The following SULT1A1 variants were observed in gnomAD, a reference collection of about 807,000 sequenced individuals.
SULT1A1 encodes the protein sulfotransferase 1A1.
In SULT1A1, 35 loss-of-function variants were observed where a neutral mutation model predicts 36.8. That is an observed-to-expected ratio of 0.95 (90% CI 0.73 to 1.26). The LOEUF is 1.26. Ranked by LOEUF, SULT1A1 falls within the 50% of genes most tolerant of loss-of-function variation. The pLI is 0.00. For synonymous variants in SULT1A1, 119 were observed against 146.0 expected (o/e 0.82, Z 1.33); for missense variants, 309 against 383.0 (o/e 0.81, Z 1.61).
At position 28,607,070 on chromosome 16, in the gene SULT1A1, T is replaced by C. The variant is rs1318882961; in HGVS notation, c.380A>G (p.Tyr127Cys). The C allele has an allele frequency of 2.5e-6, 4 of 1,612,272 alleles. No homozygotes were observed. The highest frequency in any genetic ancestry group is 1.3e-5 in the African/African-American group (1 of 74,868). ...TLLDQKVKVVYVARNAKDVAV... is the reference protein window; with the variant it reads ...TLLDQKVKVVCVARNAKDVAV... Reference sequence around the variant, plus strand: ...CACATCCTTTGCGTTGCGGGCAACATAGACCACCTGCAGGGGCAGAAGACT... The same window carrying C: ...CACATCCTTTGCGTTGCGGGCAACACAGACCACCTGCAGGGGCAGAAGACT... The change falls in exon 5 of 8, where the codon TAT (tyrosine) becomes TGT (cysteine). Residue 127 changes from tyrosine to cysteine, a missense_variant. Tyr to Cys is a radical substitution (Grantham distance 194). Coordinates refer to ENST00000314752, the MANE Select transcript of SULT1A1 (RefSeq NM_001055.4).
chr16:28,622,944 A>G (rs969321005), intron 1 of SULT1A1, among the ~76,000 whole-genome samples: 4 of 150,994 alleles, frequency 2.6e-5, no homozygotes, highest in East Asian at 4.0e-4. Flanking sequence ...GCAATCAAAC[A>G]CCCCAGCCTC....
In SULT1A1 at chr16:28,623,021, G is replaced by A. The variant is rs1040182610; in HGVS notation, c.67+110C>T. The stretch of plus-strand genomic sequence containing the variant: ...GTCTCAGAGCCCCGGCTCCTGCCCG[G>A]GTCCCCAGGCTCCTGCAGCGCCCTC... On this transcript the variant is annotated intron_variant, in intron 1 of 5. Coordinates refer to the SULT1A1 transcript ENST00000350842. The A allele has an allele frequency of 1.5e-4, 208 of 1,405,672 alleles. 1 individual carries two copies. The highest frequency in any genetic ancestry group is 3.7e-5 in the Non-Finnish European group (39 of 1,043,212). The allele number at this position is 1,405,672 out of a possible 1,614,324, so 87.1% of individuals were successfully genotyped here. A position where few individuals can be genotyped will look rare whatever the true frequency, so the allele number is the denominator to read the frequency against.
chr16:28,622,995 G>C (rs913700539), intron 1 of SULT1A1: 8 of 1,197,556 alleles, frequency 6.7e-6, no homozygotes, highest in African/African-American at 1.5e-5. Flanking sequence ...AAGCAGCTCC[G>C]GTCTCAGAGC....
chr16:28,614,541 C>G (rs2047493126), upstream of SULT1A1, among the ~76,000 whole-genome samples: 1 of 128,290 alleles, frequency 7.8e-6, no homozygotes, highest in South Asian at 2.4e-4. Context: ...CCGCCTCAGC[C>G]TTTTGAGTAG....
At position 28,605,273 on chromosome 16, in the gene SULT1A1, T is replaced by C. The variant is rs575077529; in HGVS notation, c.*548A>G. The C allele has an allele frequency of 1.2e-5, 2 of 167,756 alleles. No homozygotes were observed. The highest frequency in any genetic ancestry group is 4.8e-5 in the African/African-American group (2 of 41,480). 10.4% of individuals were successfully genotyped at this position (167,756 alleles called of 1,614,324 possible). On this transcript the variant is annotated 3_prime_UTR_variant, in exon 8 of 8. Transcript: ENST00000314752. ...TGAATCATAATTTATGTTAAGTAAA[T>C]TGTATTTTATTTATTTCTCAAGCAA...
Position 28,608,868 on chromosome 16 carries a change from G to C in SULT1A1, c.-4-9C>G. The C allele has an allele frequency of 6.2e-7, 1 of 1,611,508 alleles. No homozygotes were observed. ...GGATCAGCTCCATGTTCCTGCGTCA[G>C]GGGCCAGAGCCAGGCCCGTTCCCTT... On this transcript the variant is annotated splice_polypyrimidine_tract_variant and intron_variant, in intron 1 of 7. Coordinates refer to ENST00000314752, the MANE Select transcript of SULT1A1 (RefSeq NM_001055.4).
At chr16:28,617,041 G>C (rs1319164085) in intron 2 of SULT1A1, among the ~76,000 whole-genome samples, 1 of 151,556 alleles carries the variant, frequency 6.6e-6, no homozygotes, top group Non-Finnish European at 1.5e-5. Context: ...TTTGAGACAG[G>C]GTCTCGCTGT....
chr16:28,621,834 G>C (rs956235234), intron 1 of SULT1A1, among the ~76,000 whole-genome samples: 4 of 152,114 alleles, frequency 2.6e-5, no homozygotes, highest in Admixed American at 2.6e-4. Flanking sequence ...AGAGGCCACA[G>C]GGACCCTCCT....
intron 2 of SULT1A1, among the ~76,000 whole-genome samples, chr16:28,619,769 C>G (rs1448127577): frequency 4.8e-5 from 4 of 82,526 alleles, no homozygotes; most frequent in East Asian, 3.4e-4. Context: ...TATATAGACA[C>G]ACACACACAC....
At chr16:28,621,645 C>G (rs1332030182) in intron 1 of SULT1A1, among the ~76,000 whole-genome samples, 2 of 152,058 alleles carry the variant, frequency 1.3e-5, no homozygotes, top group Admixed American at 6.6e-5. Context: ...GTTTGCAAAT[C>G]TAGTCTGCAA....
chr16:28,607,612 T>G, intron 4 of SULT1A1: 1 of 130,086 alleles, frequency 7.7e-6, no homozygotes, highest in South Asian at 3.2e-4. Flanking sequence ...ATTTATTTTA[T>G]TTTATTTTAT....
At position 28,605,704 on chromosome 16, in the gene SULT1A1, T is replaced by C. The variant is rs1031065041; in HGVS notation, c.*117A>G. 61 of 1,530,628 alleles carry C rather than the reference T, an allele frequency of 4.0e-5. 2 individuals are homozygous for C. In the Admixed American group the frequency reaches 9.1e-4, roughly 23 times the overall value. 94.8% of individuals were successfully genotyped at this position (1,530,628 alleles called of 1,614,324 possible). ...TGATCCTCCCACCTCAGCCTCCAAA[T>C]TGCTGGGATTACAGACATGACCTAC... On this transcript the variant is annotated 3_prime_UTR_variant, in exon 8 of 8. Transcript: ENST00000314752.
chr16:28,608,990 C>G (rs1690405), intron 1 of SULT1A1, 131 bp from the exon 2 acceptor site: 478,565 of 1,531,056 alleles, frequency 0.31, 87,289 homozygotes, highest in Admixed American at 0.35. Context: ...CACAAAGCCA[C>G]TCAGTGGCGG....
In SULT1A1 at chr16:28,623,012, T is replaced by C. The variant is rs910224527; in HGVS notation, c.67+119A>G. On this transcript the variant is annotated intron_variant, in intron 1 of 5. Transcript: ENST00000350842. ...GCAGCTCCGGTCTCAGAGCCCCGGCTCCTGCCCGGGTCCCCAGGCTCCTGC... is the reference window on the plus strand; with the variant it reads ...GCAGCTCCGGTCTCAGAGCCCCGGCCCCTGCCCGGGTCCCCAGGCTCCTGC... The C allele has an allele frequency of 4.4e-6, 6 of 1,351,050 alleles. No individual in the cohort carries two copies. In the African/African-American group the frequency reaches 8.8e-5, roughly 20 times the overall value. The allele number at this position is 1,351,050 out of a possible 1,614,324, so 83.7% of individuals were successfully genotyped here.
exon 1 of SULT1A1, chr16:28,623,243 C>A (rs1186689827): frequency 1.1e-5 from 17 of 1,545,108 alleles, no homozygotes; most frequent in Non-Finnish European, 1.5e-5. Context: ...GCAGGCCCAG[C>A]CACACGTAGT....
chr16:28,617,549 T>C (rs1282120528), intron 2 of SULT1A1, among the ~76,000 whole-genome samples: 4 of 151,982 alleles, frequency 2.6e-5, no homozygotes, highest in African/African-American at 7.3e-5. Context: ...TTTTCTTTTT[T>C]TTTTTCTTTT....
At chr16:28,621,213 G>T (rs1481325532) in intron 1 of SULT1A1, among the ~76,000 whole-genome samples, 2 of 151,648 alleles carry the variant, frequency 1.3e-5, no homozygotes, top group African/African-American at 4.8e-5. Flanking sequence ...CAGGTGCGAG[G>T]GCTCACGTCT....
At chr16:28,610,266 T>TG (rs1596641425), upstream of SULT1A1, 8 of 771,352 alleles carry the variant, frequency 1.0e-5, no homozygotes, top group East Asian at 8.0e-4. Flanking sequence ...TTTTTTCTGT[T>TG]TTTTTTTTTT....
At position 28,608,538 on chromosome 16, in the gene SULT1A1, G is replaced by A. The variant is rs141343888; in HGVS notation, c.214C>T (p.Arg72Ter). The change falls in exon 3 of 8, where the codon CGA (arginine) becomes TGA (stop). Residue 72 changes from arginine to a stop codon, truncating the protein, a stop_gained. Transcript: ENST00000314752. LOFTEE classifies it high-confidence loss of function. ...YQGGDLEKCH[R>*]APIFMRVPFL... ...GGCACCCGCATGAAGATGGGAGCTC[G>A]GTGACACTTCTCCAGGTCACCACCC... 1.4e-5 allele frequency: 22 copies of A among 1,612,350 alleles called. No individual in the cohort carries two copies. Among genetic ancestry groups the A allele is most frequent in the South Asian group, 3.3e-5 (3 of 91,024 alleles).
Sources: gnomAD v4.1 joint callset for allele counts (sites outside exome capture counted in the v4.1 genomes callset) on GRCh38, gnomAD v4.1.1 for gene constraint, MANE v1.5 for transcripts, NCBI Gene and HGNC (gene_info 2026-07-23, HGNC 2026-07-21) for gene names.